Variants in DLG2 observed in about 807,000 individuals in gnomAD.
The protein encoded by DLG2 is discs large MAGUK scaffold protein 2, also known as disks large homolog 2.
In DLG2, 45 loss-of-function variants were observed where a neutral mutation model predicts 132.5. The observed-to-expected ratio is 0.34, with a 90% confidence interval of 0.27 to 0.44. DLG2 has a LOEUF of 0.44. Ranked by LOEUF, DLG2 falls within the 20% of genes least tolerant of loss-of-function variation. The probability of loss-of-function intolerance (pLI) is 1.00; values close to 1 mark genes in which losing one functional copy is unlikely to be tolerated. For synonymous variants in DLG2, 424 were observed against 419.6 expected (o/e 1.01, Z -0.13); for missense variants, 1,045 against 1,196.9 (o/e 0.87, Z 1.87).
intron 19 of DLG2, among the ~76,000 whole-genome samples, chr11:83,566,451 AT>A (rs1356472903): frequency 6.6e-6 from 1 of 151,840 alleles, no homozygotes; most frequent in Non-Finnish European, 1.5e-5. Context: ...TTGTGATCTC[AT>A]TTGGTCTAAA....
At chr11:84,623,403 T>C (rs928704335) in intron 6 of DLG2, among the ~76,000 whole-genome samples, 23 of 152,214 alleles carry the variant, frequency 1.5e-4, no homozygotes, top group African/African-American at 5.5e-4. Flanking sequence ...TTTCCAGCTA[T>C]GTAAAATAAT....
chr11:84,754,640 G>C (rs777772130), intron 6 of DLG2, among the ~76,000 whole-genome samples: 5 of 152,080 alleles, frequency 3.3e-5, no homozygotes, highest in African/African-American at 4.8e-5. Flanking sequence ...TGGGAGGCTG[G>C]AATTTGACTA....
chr11:83,622,232 T>G (rs1566099484), intron 19 of DLG2, among the ~76,000 whole-genome samples: 1 of 152,196 alleles, frequency 6.6e-6, no homozygotes, highest in Non-Finnish European at 1.5e-5. Flanking sequence ...CCGGCTTTGC[T>G]ATTAATTTGT....
At chr11:85,596,980 C>T (rs1309371856) in intron 3 of DLG2, among the ~76,000 whole-genome samples, 2 of 152,234 alleles carry the variant, frequency 1.3e-5, no homozygotes, top group South Asian at 4.1e-4. Flanking sequence ...TGAAGTAAAT[C>T]TATCCATTCA....
chr11:85,420,618 A>G (rs2090218967), intron 3 of DLG2, among the ~76,000 whole-genome samples: 1 of 152,166 alleles, frequency 6.6e-6, no homozygotes, highest in Non-Finnish European at 1.5e-5. Flanking sequence ...TTTCTTTCAG[A>G]GATGTCCTGC....
intron 3 of DLG2, among the ~76,000 whole-genome samples, chr11:85,348,233 C>CT (rs1367222510): frequency 2.7e-5 from 4 of 146,542 alleles, no homozygotes; most frequent in East Asian, 2.0e-4. Context: ...GTTTTTATTT[C>CT]TTTTTTTTGA....
intron 6 of DLG2, among the ~76,000 whole-genome samples, chr11:85,007,812 T>C (rs975515557): frequency 6.6e-6 from 1 of 152,166 alleles, no homozygotes; most frequent in African/African-American, 2.4e-5. Flanking sequence ...ATAAGATTGT[T>C]AGACCACCCT....
At chr11:85,111,827 T>C (rs1357113052) in intron 5 of DLG2, 92 bp from the exon 6 acceptor site, 2 of 932,734 alleles carry the variant, frequency 2.1e-6, no homozygotes, top group Non-Finnish European at 3.2e-6. Flanking sequence ...ATATGTTTAT[T>C]ACCTTATTTA....
chr11:83,696,167 G>A (rs2081903102), intron 18 of DLG2, among the ~76,000 whole-genome samples: 1 of 152,162 alleles, frequency 6.6e-6, no homozygotes, highest in South Asian at 2.1e-4. Flanking sequence ...GGCAATGGCA[G>A]CAGTCCAGGT....
At chr11:84,043,701 T>G (rs1461725539) in intron 11 of DLG2, among the ~76,000 whole-genome samples, 1 of 151,926 alleles carries the variant, frequency 6.6e-6, no homozygotes, top group African/African-American at 2.4e-5. Context: ...CTTCTTTTTT[T>G]AATTTTTGTG....
chr11:84,275,456 A>G (rs1185770007), intron 7 of DLG2, among the ~76,000 whole-genome samples: 1 of 151,928 alleles, frequency 6.6e-6, no homozygotes, highest in Non-Finnish European at 1.5e-5. Context: ...TCAGGTTCAC[A>G]CCATTTTCCT....
At chr11:85,615,662 T>A (rs887481287) in intron 2 of DLG2, among the ~76,000 whole-genome samples, 7 of 152,232 alleles carry the variant, frequency 4.6e-5, no homozygotes, top group Non-Finnish European at 1.0e-4. Context: ...AAAGCAGACC[T>A]GAAGACTGCA....
At position 84,878,377 on chromosome 11, in the gene DLG2, G is replaced by A. The variant is rs565648265; in HGVS notation, c.357+233284C>T. ...ATACACCATAGAATAGTATGAAGCCGTAAAAAGGATGAGTTAATGTCCTTT... is the reference window on the plus strand; with the variant it reads ...ATACACCATAGAATAGTATGAAGCCATAAAAAGGATGAGTTAATGTCCTTT... On this transcript the variant is annotated intron_variant, in intron 6 of 27. Coordinates refer to ENST00000376104, the MANE Select transcript of DLG2 (RefSeq NM_001142699.3). Among the ~76,000 whole-genome samples the A allele has an allele frequency of 2.0e-3, 303 of 152,214 alleles. 1 individual carries two copies. Among genetic ancestry groups the A allele is most frequent in the African/African-American group, 6.8e-3 (283 of 41,556 alleles).
At chr11:84,886,284 G>T (rs1371174581) in intron 6 of DLG2, among the ~76,000 whole-genome samples, 2 of 152,082 alleles carry the variant, frequency 1.3e-5, no homozygotes, top group African/African-American at 4.8e-5. Flanking sequence ...AAATTTTCAT[G>T]TCTTTTGGGG....
intron 16 of DLG2, among the ~76,000 whole-genome samples, chr11:83,849,223 T>C (rs1487210134): frequency 1.3e-5 from 2 of 151,496 alleles, no homozygotes; most frequent in East Asian, 3.9e-4. Flanking sequence ...AGTACTTACA[T>C]TGTGGTTTTT....
At chr11:85,604,546 C>T (rs1194329541) in intron 2 of DLG2, among the ~76,000 whole-genome samples, 1 of 151,942 alleles carries the variant, frequency 6.6e-6, no homozygotes, top group Non-Finnish European at 1.5e-5. Context: ...GTTCAAATAA[C>T]CAAGTGGAGA....
chr11:84,974,016 A>T (rs778926340), intron 6 of DLG2, among the ~76,000 whole-genome samples: 2 of 152,218 alleles, frequency 1.3e-5, no homozygotes, highest in Non-Finnish European at 2.9e-5. Context: ...AGATGAAAGT[A>T]GATAGTCCCA....
At chr11:85,054,316 T>C (rs1262085102) in intron 6 of DLG2, among the ~76,000 whole-genome samples, 1 of 149,608 alleles carries the variant, frequency 6.7e-6, no homozygotes, top group Non-Finnish European at 1.5e-5. Context: ...AAAATCACAA[T>C]GAAATACTAT....
intron 3 of DLG2, among the ~76,000 whole-genome samples, chr11:85,597,821 TA>T (rs1468542783): frequency 7.9e-5 from 12 of 151,770 alleles, no homozygotes; most frequent in African/African-American, 2.7e-4. Flanking sequence ...TAAAATTATT[TA>T]AAATCAGTTA....
Sources: gnomAD v4.1 joint callset for allele counts (sites outside exome capture counted in the v4.1 genomes callset) on GRCh38, gnomAD v4.1.1 for gene constraint, MANE v1.5 for transcripts, NCBI Gene and HGNC (gene_info 2026-07-23, HGNC 2026-07-21) for gene names.